DOK1: variants seen among roughly 807,000 people sequenced by gnomAD.
DOK1 encodes the protein docking protein 1.
DOK1 carries 12 observed loss-of-function variants against 24.0 expected under a neutral mutation model. That is an observed-to-expected ratio of 0.50 (90% CI 0.32 to 0.81). The LOEUF (loss-of-function observed/expected upper bound fraction) is 0.81, where lower values mean the gene tolerates loss of function less well. Ranked by LOEUF, DOK1 falls within the 30% of genes least tolerant of loss-of-function variation. DOK1 has a pLI of 0.03. For missense variants in DOK1, 591 were observed against 620.7 expected, an observed-to-expected ratio of 0.95 and a Z score of 0.51; for synonymous variants, 250 against 260.9, an observed-to-expected ratio of 0.96 and a Z score of 0.40.
At chr2:74,552,346 T>C, upstream of DOK1, 2 of 1,603,824 alleles carry the variant, frequency 1.2e-6, no homozygotes, top group Non-Finnish European at 1.7e-6. Flanking sequence ...TATTTGGCAC[T>C]GTGGGTCCAG....
Position 74,555,289 on chromosome 2 carries a change from C to T in DOK1, c.196C>T (p.Arg66Cys). Residue 66 changes from arginine to cysteine, a missense_variant, in exon 2 of 5, where the codon CGT becomes TGT. By Grantham distance (180) the Arg-to-Cys change is radical. Transcript: ENST00000233668. The surrounding 1 kb of genome is among the most constrained non-coding windows in gnomAD (Gnocchi z 6.1). ...SSRRLDCKVI[R>C]LAECVSVAPV... is the part of the protein sequence containing the mutation. Reference sequence around the variant, plus strand: ...GCGCCGCCTGGACTGCAAAGTGATCCGTCTGGCTGAGTGTGTGAGTGTGGC... The same window carrying T: ...GCGCCGCCTGGACTGCAAAGTGATCTGTCTGGCTGAGTGTGTGAGTGTGGC... The T allele has an allele frequency of 6.2e-7, 1 of 1,614,108 alleles. No individual in the cohort carries two copies. The highest frequency in any genetic ancestry group is 8.5e-7 in the Non-Finnish European group (1 of 1,180,014).
chr2:74,556,734 C>A lies in DOK1; in HGVS notation c.1066C>A (p.Pro356Thr). Residue 356 changes from proline (P) to threonine (T), a missense_variant, in exon 5 of 5, where the codon CCC becomes ACC. Pro to Thr is a conservative substitution (Grantham distance 38). Coordinates refer to ENST00000233668, the MANE Select transcript of DOK1 (RefSeq NM_001381.5). This position sits in a 1 kb window ranked among gnomAD's most constrained non-coding sequence, Gnocchi z 4.1. ...QQLLKAKLTD[P>T]KEDPIYDEPE... is the part of the protein sequence containing the mutation. ...GTTGCTGAAGGCCAAGCTGACAGAC[C>A]CCAAAGAGGATCCCATCTATGATGA... is the stretch of plus-strand genomic sequence containing the variant. The A allele has an allele frequency of 6.2e-7, 1 of 1,614,184 alleles. No individual in the cohort carries two copies. The highest frequency in any genetic ancestry group is 8.5e-7 in the Non-Finnish European group (1 of 1,180,024).
chr2:74,550,393 G>T, upstream of DOK1: 1 of 1,591,292 alleles, frequency 6.3e-7, no homozygotes. Context: ...GGGGAGGGAG[G>T]ATGGGGGAGT....
At position 74,549,674 on chromosome 2, in the gene DOK1, T is replaced by C; in HGVS notation, c.-358+502T>C. 1 of 1,471,404 alleles carries C rather than the reference T, an allele frequency of 6.8e-7. No homozygotes were observed. The highest frequency in any genetic ancestry group is 9.0e-7 in the Non-Finnish European group (1 of 1,105,540). 91.1% of individuals were successfully genotyped at this position (1,471,404 alleles called of 1,614,324 possible). ...AAGGAACCCTGCTTGGTGTGCCTGC[T>C]GTAAACCCAGTGGCGGGATGGGCCC... On this transcript the variant is annotated intron_variant, in intron 1 of 4. Transcript: ENST00000409429. This position sits in a 1 kb window ranked among gnomAD's most constrained non-coding sequence, Gnocchi z 5.3.
chr2:74,550,223 G>C (rs772615508), upstream of DOK1: 1 of 1,614,112 alleles, frequency 6.2e-7, no homozygotes, highest in Admixed American at 1.7e-5. Flanking sequence ...GGGAGGCGCT[G>C]GTCTTTGCAG....
At chr2:74,552,196 G>C, upstream of DOK1, 1 of 855,068 alleles carries the variant, frequency 1.2e-6, no homozygotes, top group South Asian at 1.8e-5. Context: ...GTCATCCATG[G>C]ATTTACTCAA....
In DOK1 at chr2:74,555,042, C is replaced by T. The variant is rs1677322079; in HGVS notation, c.61-112C>T. On this transcript the variant is annotated intron_variant, in intron 1 of 4. Coordinates refer to ENST00000233668, the MANE Select transcript of DOK1 (RefSeq NM_001381.5). This position sits in a 1 kb window ranked among gnomAD's most constrained non-coding sequence, Gnocchi z 6.1. ...CCTTGGGAAACTTCGCCCCCAACCCCGTTTGGAAGCCCCAGATCCCAAATC... is the reference window on the plus strand; with the variant it reads ...CCTTGGGAAACTTCGCCCCCAACCCTGTTTGGAAGCCCCAGATCCCAAATC... 7.0e-7 allele frequency: 1 copy of T among 1,433,716 alleles called. No homozygotes were observed. Among genetic ancestry groups the T allele is most frequent in the Non-Finnish European group, 9.3e-7 (1 of 1,069,550 alleles). 88.8% of individuals were successfully genotyped at this position (1,433,716 alleles called of 1,614,324 possible).
upstream of DOK1, chr2:74,553,958 A>G (rs1677199225): frequency 6.7e-6 from 1 of 149,648 alleles, no homozygotes; most frequent in Non-Finnish European, 1.5e-5. Context: ...AAAAAAAAAA[A>G]TGCTCGGCCA....
Position 74,556,357 on chromosome 2 carries a change from C to T in DOK1, c.689C>T (p.Thr230Ile), listed in dbSNP as rs147567450. The T allele has an allele frequency of 6.2e-7, 1 of 1,613,876 alleles. No individual in the cohort carries two copies. Among genetic ancestry groups the T allele is most frequent in the Non-Finnish European group, 8.5e-7 (1 of 1,180,006 alleles). ...AGRRCPSGPG[T>I]FTFQTAQGND... is the part of the protein sequence containing the mutation. ...CGCCGCTGCCCCTCAGGCCCTGGAACCTTCACCTTCCAGACGGCACAGGGA... is the reference window on the plus strand; with the variant it reads ...CGCCGCTGCCCCTCAGGCCCTGGAATCTTCACCTTCCAGACGGCACAGGGA... The change falls in exon 5 of 5, where the codon ACC becomes ATC. Residue 230 changes from threonine (T) to isoleucine (I), a missense_variant. Coordinates refer to ENST00000233668, the MANE Select transcript of DOK1 (RefSeq NM_001381.5). The surrounding 1 kb of genome is among the most constrained non-coding windows in gnomAD (Gnocchi z 4.1).
At chr2:74,552,654 C>T, upstream of DOK1, 2 of 1,517,658 alleles carry the variant, frequency 1.3e-6, no homozygotes, top group Non-Finnish European at 1.8e-6. Flanking sequence ...GGCCTGGGTG[C>T]CCCAGAGACA....
chr2:74,554,394 GCCC>G, upstream of DOK1: 1 of 263,956 alleles, frequency 3.8e-6, no homozygotes, highest in South Asian at 5.6e-5. The surrounding 1 kb of genome is among the most constrained non-coding windows in gnomAD (Gnocchi z 4.9). Context: ...TCTCTCCGGT[GCCC>G]GGGGCGCTTT....
chr2:74,556,093 C>CGGGA lies in DOK1; in HGVS notation c.639+19_639+22dup. The CGGGA allele has an allele frequency of 6.4e-7, 1 of 1,563,148 alleles. No individual in the cohort carries two copies. Among genetic ancestry groups the CGGGA allele is most frequent in the East Asian group, 2.3e-5 (1 of 44,396 alleles). On this transcript the variant is annotated intron_variant, in intron 4 of 4. Coordinates refer to ENST00000233668, the MANE Select transcript of DOK1 (RefSeq NM_001381.5). The surrounding 1 kb of genome is among the most constrained non-coding windows in gnomAD (Gnocchi z 4.1). ...GCCGGGACAAGGTGCAGGGGCTGTC[C>CGGGA]GGGAGGGCTTCCTGGGTTGGGCAGC...
At position 74,555,871 on chromosome 2, in the gene DOK1, G is replaced by T; in HGVS notation, c.455-23G>T. 1.9e-6 allele frequency: 3 copies of T among 1,595,566 alleles called. No individual in the cohort carries two copies. On this transcript the variant is annotated intron_variant, in intron 3 of 4. Transcript: ENST00000233668. This position sits in a 1 kb window ranked among gnomAD's most constrained non-coding sequence, Gnocchi z 6.1. ...CTGCCCCCGTCCCTCCCCCGCAGCT[G>T]TCTAATCGTGTATGCCTTCCAGGAT...
At position 74,555,004 on chromosome 2, in the gene DOK1, G is replaced by A; in HGVS notation, c.61-150G>A. ...CTAGGGGTTCTGGTCCTGGGGAGAC[G>A]GAGTGGCATCGTCCTTGGGAAACTT... On this transcript the variant is annotated intron_variant, in intron 1 of 4. Coordinates refer to ENST00000233668, the MANE Select transcript of DOK1 (RefSeq NM_001381.5). The surrounding 1 kb of genome is among the most constrained non-coding windows in gnomAD (Gnocchi z 6.1). 1 of 1,363,290 alleles carries A rather than the reference G, an allele frequency of 7.3e-7. No individual in the cohort carries two copies. The highest frequency in any genetic ancestry group is 2.5e-5 in the East Asian group (1 of 39,824). 84.4% of individuals were successfully genotyped at this position (1,363,290 alleles called of 1,614,324 possible). A position where few individuals can be genotyped will look rare whatever the true frequency, so the allele number is the denominator to read the frequency against.
chr2:74,556,054 G>C lies in DOK1; in HGVS notation c.615G>C (p.Leu205=). ...LEPLLSWPYT[L]LRRYGRDKVM... ...CACTCCTGTCCTGGCCCTACACTCT[G>C]TTGCGTCGCTATGGCCGGGACAAGG... Residue 205 remains leucine (L), a synonymous_variant, in exon 4 of 5, where the codon CTG becomes CTC. Coordinates refer to ENST00000233668, the MANE Select transcript of DOK1 (RefSeq NM_001381.5). This position sits in a 1 kb window ranked among gnomAD's most constrained non-coding sequence, Gnocchi z 4.1. 6.2e-7 allele frequency: 1 copy of C among 1,602,360 alleles called. No individual in the cohort carries two copies. Among genetic ancestry groups the C allele is most frequent in the Non-Finnish European group, 8.5e-7 (1 of 1,173,306 alleles).
chr2:74,550,331 T>G (rs1676924373), upstream of DOK1: 3 of 1,613,640 alleles, frequency 1.9e-6, no homozygotes, highest in Non-Finnish European at 2.5e-6. Flanking sequence ...CAGCTCAAGT[T>G]GTCCAGCCAG....
At chr2:74,551,275 C>T (rs773065245), upstream of DOK1, among the ~76,000 whole-genome samples, 12 of 152,330 alleles carry the variant, frequency 7.9e-5, no homozygotes, top group Middle Eastern at 3.4e-3. Flanking sequence ...CAGAATTGGG[C>T]GCAGCCTCAA....
At position 74,554,942 on chromosome 2, in the gene DOK1, G is replaced by A. The variant is rs1001111136; in HGVS notation, c.60+128G>A. The A allele has an allele frequency of 1.3e-6, 2 of 1,506,082 alleles. No homozygotes were observed. Among genetic ancestry groups the A allele is most frequent in the East Asian group, 4.9e-5 (2 of 40,880 alleles). The allele number at this position is 1,506,082 out of a possible 1,614,324, so 93.3% of individuals were successfully genotyped here. On this transcript the variant is annotated intron_variant, in intron 1 of 4. Coordinates refer to ENST00000233668, the MANE Select transcript of DOK1 (RefSeq NM_001381.5). This position sits in a 1 kb window ranked among gnomAD's most constrained non-coding sequence, Gnocchi z 4.9. ...GTTGGAGAGCCTGTGACTTTCCCGT[G>A]AAGTTGCTTTGCACACTCCCGGGAA...
Position 74,556,730 on chromosome 2 carries a change from A to C in DOK1, c.1062A>C (p.Thr354=). Residue 354 remains threonine (T), a synonymous_variant, in exon 5 of 5, where the codon ACA becomes ACC. Transcript: ENST00000233668. This position sits in a 1 kb window ranked among gnomAD's most constrained non-coding sequence, Gnocchi z 4.1. ...AGCAGTTGCTGAAGGCCAAGCTGAC[A>C]GACCCCAAAGAGGATCCCATCTATG... ...AQQQLLKAKL[T]DPKEDPIYDE... The C allele has an allele frequency of 6.2e-7, 1 of 1,614,218 alleles. No homozygotes were observed. The highest frequency in any genetic ancestry group is 1.1e-5 in the South Asian group (1 of 91,090).
Sources: allele counts gnomAD v4.1 joint callset (sites outside exome capture counted in the v4.1 genomes callset), GRCh38; gene constraint gnomAD v4.1.1; non-coding constraint Gnocchi (gnomAD v3.1); transcripts MANE v1.5; gene names NCBI Gene and HGNC (gene_info 2026-07-23, HGNC 2026-07-21).